Variants in CORO7 observed in about 807,000 individuals in gnomAD.
CORO7 encodes coronin-7.
Under a neutral mutation model 126.6 loss-of-function variants are expected in CORO7, and 107 were observed. That is an observed-to-expected ratio of 0.85 (90% CI 0.72 to 0.99). The LOEUF is 0.99. Among genes scored for constraint, CORO7 ranks in the 50% least tolerant of loss-of-function variants. The pLI is 0.00. For synonymous variants in CORO7, 603 were observed against 536.8 expected (o/e 1.12, Z -1.70); for missense variants, 1,314 against 1,255.8 (o/e 1.05, Z -0.70).
intron 9 of CORO7, among the ~76,000 whole-genome samples, chr16:4,376,131 C>T (rs977883727): frequency 6.6e-5 from 10 of 152,170 alleles, no homozygotes; most frequent in African/African-American, 2.4e-4. Flanking sequence ...CTGAGGAACT[C>T]GAGGCCCAGC....
At chr16:4,405,715 C>T in intron 5 of CORO7, 148 bp from the exon 6 acceptor site, 1 of 904,000 alleles carries the variant, frequency 1.1e-6, no homozygotes, top group Non-Finnish European at 1.6e-6. Context: ...AGCAGCTTCT[C>T]CCAGACAGGC....
At chr16:4,376,894 C>T (rs1567267645) in intron 9 of CORO7, among the ~76,000 whole-genome samples, 1 of 152,204 alleles carries the variant, frequency 6.6e-6, no homozygotes. Flanking sequence ...GCCTGAAACC[C>T]TCTCCCTTAG....
chr16:4,396,296 C>T (rs539629666), intron 6 of CORO7, among the ~76,000 whole-genome samples: 10 of 152,168 alleles, frequency 6.6e-5, no homozygotes, highest in Non-Finnish European at 1.3e-4. Context: ...GCAGGCCGGT[C>T]TCAAACTCCT....
In CORO7 at chr16:4,408,181, C is replaced by T. The variant is rs759168875; in HGVS notation, c.303G>A (p.Thr101=). The T allele has an allele frequency of 5.0e-6, 8 of 1,614,000 alleles. No homozygotes were observed. Among genetic ancestry groups the T allele is most frequent in the South Asian group, 3.3e-5 (3 of 91,094 alleles). ...FLLATGSADR[T]VKLWRLPGPG... is the part of the protein sequence containing the mutation. ...AGCTCTTCCAACTGGCTCCACTCAC[C>T]GTCCTGTCAGCCGAGCCTGTGGCCA... Residue 101 remains threonine, a splice_region_variant and synonymous_variant, in exon 4 of 28, where the codon ACG becomes ACA. Transcript: ENST00000251166.
chr16:4,410,544 G>A (rs2056166369), intron 3 of CORO7, among the ~76,000 whole-genome samples: 1 of 152,086 alleles, frequency 6.6e-6, no homozygotes, highest in Non-Finnish European at 1.5e-5. Context: ...CTATAAAATG[G>A]GTTGTTTTAA....
In CORO7 at chr16:4,360,816, C is replaced by A. The variant is rs2054149269; in HGVS notation, c.1917+127G>T. Reference sequence around the variant, plus strand: ...CCCCTCTCCTCACTGCTGGCCCCACCCCTCCTCGCTGCTGGTCCTGCCTCT... The same window carrying A: ...CCCCTCTCCTCACTGCTGGCCCCACACCTCCTCGCTGCTGGTCCTGCCTCT... On this transcript the variant is annotated intron_variant, in intron 19 of 27. Transcript: ENST00000251166. 4 of 1,501,164 alleles carry A rather than the reference C, an allele frequency of 2.7e-6. No homozygotes were observed. In the South Asian group the frequency reaches 5.2e-5, roughly 20 times the overall value. The allele number at this position is 1,501,164 out of a possible 1,614,324, so 93.0% of individuals were successfully genotyped here.
In CORO7 at chr16:4,364,747, C is replaced by G. The variant is rs374737088; in HGVS notation, c.1044+28G>C. On this transcript the variant is annotated intron_variant, in intron 12 of 27. Coordinates refer to ENST00000251166, the MANE Select transcript of CORO7 (RefSeq NM_024535.5). ...CCAGGCCCCCCGACTCCCCAGCCCC[C>G]GCAGTCCCTCGCCCAAGTCCCCCTC... 5.1e-5 allele frequency: 82 copies of G among 1,602,102 alleles called. 1 individual carries two copies. The South Asian group carries it at 7.9e-4, about 16-fold the overall frequency.
At chr16:4,388,308 C>G (rs2141265200) in intron 8 of CORO7, among the ~76,000 whole-genome samples, 1 of 152,282 alleles carries the variant, frequency 6.6e-6, no homozygotes, top group South Asian at 2.1e-4. Context: ...TTCTCGGGTC[C>G]CTGTAGGGCC....
At chr16:4,408,074 G>C in intron 4 of CORO7, 107 bp downstream of exon 4, 4 of 1,533,224 alleles carry the variant, frequency 2.6e-6, no homozygotes, top group Middle Eastern at 2.0e-4. Flanking sequence ...AGTGGGGTGG[G>C]GCTGGACTGG....
At chr16:4,397,969 C>T (rs1291697) in intron 6 of CORO7, among the ~76,000 whole-genome samples, 148,429 of 152,204 alleles carry the variant, frequency 0.98, 72,421 homozygotes, top group East Asian at 1. Context: ...CAGGCCCAAG[C>T]GCAGCAGTGC....
At chr16:4,358,608 T>A in intron 23 of CORO7, 125 bp from the exon 24 acceptor site, 1 of 807,916 alleles carries the variant, frequency 1.2e-6, no homozygotes, top group Non-Finnish European at 1.8e-6. Context: ...CCCTGGACAG[T>A]AACGTGTTGA....
rs978239454 is a variant in CORO7, at chr16:4,413,333, C to G, written c.132G>C (p.Leu44Phe). Residue 44 changes from leucine to phenylalanine, a missense_variant, in exon 2 of 28, where the codon TTG becomes TTC. Transcript: ENST00000251166. Reference protein sequence around the residue: ...CRNHIKSSCSLIAFNSDRPGV... With the variant: ...CRNHIKSSCSFIAFNSDRPGV... ...CAGGACGGTCGGAGTTGAAGGCGATCAAGCTGCAGCTTGATTTGATGTGGT... is the reference window on the plus strand; with the variant it reads ...CAGGACGGTCGGAGTTGAAGGCGATGAAGCTGCAGCTTGATTTGATGTGGT... 7.6e-6 allele frequency: 12 copies of G among 1,584,516 alleles called. No individual in the cohort carries two copies. Among genetic ancestry groups the G allele is most frequent in the African/African-American group, 1.3e-5 (1 of 74,468 alleles).
rs772815248 is a variant in CORO7 at position 4,361,238 on chromosome 16, G to A, written c.1698C>T (p.Asp566=). The A allele has an allele frequency of 3.5e-5, 56 of 1,612,408 alleles. No individual in the cohort carries two copies. Among genetic ancestry groups the A allele is most frequent in the Non-Finnish European group, 4.3e-5 (51 of 1,179,980 alleles). ...DPHRLAVAGE[D]ARIRLWRVPA... ...GTACCCGCCACAGTCGGATCCTGGC[G>A]TCCTCACCAGCTGCAGAGGACAGAC... The change falls in exon 18 of 28, where the codon GAC becomes GAT. Residue 566 remains aspartate, a synonymous_variant. Transcript: ENST00000251166.
rs369941743 is a variant in CORO7, at chr16:4,366,201, C to G, written c.786-656G>C. On this transcript the variant is annotated intron_variant, in intron 9 of 27. Transcript: ENST00000251166. ...TTCCCTGCACACCCCAGGCCTGCTG[C>G]CCCGGCCGAGCCTGCCAGCAGCATG... 6.6e-5 allele frequency among the ~76,000 whole-genome samples: 10 copies of G among 152,338 alleles called. No homozygotes were observed. In the South Asian group the frequency reaches 2.1e-3, roughly 32 times the overall value.
chr16:4,415,884 T>C (rs1596349022), intron 1 of CORO7: 1 of 984,930 alleles, frequency 1.0e-6, no homozygotes, highest in African/African-American at 1.8e-5. Flanking sequence ...CGTGGCAGCA[T>C]CACCGAGATA....
intron 25 of CORO7, chr16:4,357,705 A>G: frequency 3.8e-6 from 2 of 527,626 alleles, no homozygotes; most frequent in South Asian, 3.4e-5. Flanking sequence ...ATTAACAGTC[A>G]ATGGAGCCTC....
intron 10 of CORO7, 53 bp from the exon 11 acceptor site, chr16:4,365,113 C>T: frequency 1.3e-6 from 2 of 1,556,716 alleles, no homozygotes; most frequent in Non-Finnish European, 1.7e-6. Context: ...CTGGGGAGGG[C>T]CCAGGACTGG....
In CORO7 at chr16:4,357,969, T is replaced by C. The variant is rs1485545828; in HGVS notation, c.2592A>G (p.Pro864=). The part of the protein sequence containing the change: ...LLSLQPPDMS[P]VSQAPREAPA... Reference sequence around the variant, plus strand: ...CCCACACCCAGTCCCTCGGTGCACCTGGGCTCATGTCAGGAGGCTGCAGGC... The same window carrying C: ...CCCACACCCAGTCCCTCGGTGCACCCGGGCTCATGTCAGGAGGCTGCAGGC... The change falls in exon 25 of 28, where the codon CCA becomes CCG. Residue 864 remains proline, a splice_region_variant and synonymous_variant. Coordinates refer to ENST00000251166, the MANE Select transcript of CORO7 (RefSeq NM_024535.5). 8 of 1,600,914 alleles carry C rather than the reference T, an allele frequency of 5.0e-6. No homozygotes were observed. Among genetic ancestry groups the C allele is most frequent in the Non-Finnish European group, 5.1e-6 (6 of 1,169,644 alleles).
At position 4,359,362 on chromosome 16, in the gene CORO7, G is replaced by T. The variant is rs201343195; in HGVS notation, c.2274C>A (p.Tyr758Ter). 18 of 1,613,480 alleles carry T rather than the reference G, an allele frequency of 1.1e-5. 1 individual carries two copies. The highest frequency in any genetic ancestry group is 1.5e-5 in the Non-Finnish European group (18 of 1,179,914). Reference protein sequence around the residue: ...TGKGDTRVFLYELLPESPFFL... With the variant: ...TGKGDTRVFL The stretch of plus-strand genomic sequence containing the variant: ...AGAAAGGGGACTCGGGGAGCAGCTC[G>T]TACAGGAATACACGGGTGTCGCCCT... The change falls in exon 23 of 28, where the codon TAC (tyrosine) becomes TAA (stop). Residue 758 changes from tyrosine (Y) to a stop codon, truncating the protein, a stop_gained. Coordinates refer to ENST00000251166, the MANE Select transcript of CORO7 (RefSeq NM_024535.5). LOFTEE classifies it high-confidence loss of function.
Sources: allele counts gnomAD v4.1 joint callset (sites outside exome capture counted in the v4.1 genomes callset), GRCh38; gene constraint gnomAD v4.1.1; transcripts MANE v1.5; gene names NCBI Gene and HGNC (gene_info 2026-07-23, HGNC 2026-07-21).